The following MAN1A2 variants were observed in gnomAD, a reference collection of about 807,000 sequenced individuals.
MAN1A2 encodes mannosyl-oligosaccharide 1,2-alpha-mannosidase IB.
Under a neutral mutation model 75.7 loss-of-function variants are expected in MAN1A2, and 26 were observed. The observed-to-expected ratio is 0.34, with a 90% CI of 0.25 to 0.48. The LOEUF is 0.48. Among genes scored for constraint, MAN1A2 ranks in the 20% least tolerant of loss-of-function variants. MAN1A2 has a pLI of 0.99. For missense variants in MAN1A2, 562 were observed against 775.5 expected, an observed-to-expected ratio of 0.72 and a Z score of 3.27; for synonymous variants, 247 against 264.6, an observed-to-expected ratio of 0.93 and a Z score of 0.65.
At chr1:117,438,921 G>A (rs1648936364) in intron 5 of MAN1A2, among the ~76,000 whole-genome samples, 1 of 152,134 alleles carries the variant, frequency 6.6e-6, no homozygotes. Context: ...TACACTGTTA[G>A]CAGTAAGCAC....
chr1:117,442,155 T>A, intron 5 of MAN1A2, 76 bp from the exon 6 acceptor site: 1 of 926,078 alleles, frequency 1.1e-6, no homozygotes, highest in Non-Finnish European at 1.8e-6. Flanking sequence ...GTGCTATGTA[T>A]ACTATGAGAG....
chr1:117,431,278 A>T (rs887107352), intron 5 of MAN1A2, among the ~76,000 whole-genome samples: 1 of 150,630 alleles, frequency 6.6e-6, no homozygotes, highest in Non-Finnish European at 1.5e-5. Flanking sequence ...TTAGAAAGAC[A>T]TAATCACAAC....
intron 8 of MAN1A2, among the ~76,000 whole-genome samples, chr1:117,492,865 T>C (rs1010603275): frequency 8.6e-5 from 13 of 152,028 alleles, no homozygotes; most frequent in Non-Finnish European, 1.5e-4. Context: ...TTTGGCTCTA[T>C]GACAGTGAAC....
At chr1:117,404,230 T>C (rs1380900328) in intron 2 of MAN1A2, among the ~76,000 whole-genome samples, 1 of 152,204 alleles carries the variant, frequency 6.6e-6, no homozygotes, top group African/African-American at 2.4e-5. Flanking sequence ...ATATCTTTGC[T>C]TGATTTTGGT....
At position 117,436,792 on chromosome 1, in the gene MAN1A2, A is replaced by G. The variant is rs146876784; in HGVS notation, c.856-5439A>G. On this transcript the variant is annotated intron_variant, in intron 5 of 12. Transcript: ENST00000356554. ...GTGGAGGTGGGGCATGTATAGTCCAATGCAAATGAACTTGAAGCTTTGGCT... is the reference window on the plus strand; with the variant it reads ...GTGGAGGTGGGGCATGTATAGTCCAGTGCAAATGAACTTGAAGCTTTGGCT... 8.4e-3 allele frequency among the ~76,000 whole-genome samples: 1,276 copies of G among 152,336 alleles called. 10 individuals carry two copies. The highest frequency in any genetic ancestry group is 0.015 in the African/African-American group (606 of 41,566).
intron 1 of MAN1A2, among the ~76,000 whole-genome samples, chr1:117,382,195 CA>C (rs1441832322): frequency 6.6e-6 from 1 of 152,150 alleles, no homozygotes; most frequent in African/African-American, 2.4e-5. Context: ...AATGAGATCC[CA>C]TTTGTCAATT....
At chr1:117,513,348 C>T (rs981591576) in intron 12 of MAN1A2, among the ~76,000 whole-genome samples, 13 of 152,018 alleles carry the variant, frequency 8.6e-5, no homozygotes, top group African/African-American at 2.7e-4. Context: ...ACCACAATAA[C>T]GTTTATGTTT....
At chr1:117,449,558 CAAA>C (rs34612489) in intron 6 of MAN1A2, among the ~76,000 whole-genome samples, 5 of 106,664 alleles carry the variant, frequency 4.7e-5, no homozygotes, top group Non-Finnish European at 3.8e-5. Context: ...GACCCTGTCT[CAAA>C]AAAAAAAAAA....
At chr1:117,395,615 A>G (rs193295390) in intron 1 of MAN1A2, among the ~76,000 whole-genome samples, 1 of 152,340 alleles carries the variant, frequency 6.6e-6, no homozygotes, top group African/African-American at 2.4e-5. Flanking sequence ...AACAAACAAA[A>G]CCTTATATTA....
In MAN1A2 at chr1:117,522,801, C is replaced by T. The variant is rs185155478; in HGVS notation, c.1794-24C>T. On this transcript the variant is annotated intron_variant, in intron 12 of 12. Coordinates refer to ENST00000356554, the MANE Select transcript of MAN1A2 (RefSeq NM_006699.5). ...TTCTTGTTGAATTCTAACTGAAGCT[C>T]ATTTCTCCCCTTTTTATTTTCAGAT... is the stretch of plus-strand genomic sequence containing the variant. The T allele has an allele frequency of 8.1e-5, 130 of 1,605,736 alleles. 1 individual carries two copies. The East Asian group carries it at 2.9e-3, about 36-fold the overall frequency.
intron 8 of MAN1A2, among the ~76,000 whole-genome samples, chr1:117,486,294 G>T (rs571493878): frequency 6.6e-6 from 1 of 152,006 alleles, no homozygotes; most frequent in Admixed American, 6.6e-5. Flanking sequence ...TAAGATATTG[G>T]TTACTTTTTT....
chr1:117,446,550 T>C (rs1475635947), intron 6 of MAN1A2, among the ~76,000 whole-genome samples: 2 of 152,172 alleles, frequency 1.3e-5, no homozygotes, highest in African/African-American at 4.8e-5. Context: ...AATGCATTAG[T>C]TTTTTATAAT....
chr1:117,402,198 A>G lies in MAN1A2; in HGVS notation c.315A>G (p.Glu105=), dbSNP rs1647455334. ...TCTTTTCTCACAGGGAAGAGGAAGA[A>G]CGTCTGAGAAATAAAATTCGAGCTG... The part of the protein sequence containing the change: ...PDEHRHREEE[E]RLRNKIRADH... Residue 105 remains glutamate (E), a synonymous_variant, in exon 2 of 13, where the codon GAA becomes GAG. Transcript: ENST00000356554. 2 of 1,608,702 alleles carry G rather than the reference A, an allele frequency of 1.2e-6. No individual in the cohort carries two copies. The highest frequency in any genetic ancestry group is 2.7e-5 in the African/African-American group (2 of 74,448).
At chr1:117,406,566 C>G (rs749739560) in intron 3 of MAN1A2, among the ~76,000 whole-genome samples, 42 of 151,960 alleles carry the variant, frequency 2.8e-4, no homozygotes, top group Non-Finnish European at 5.3e-4. Flanking sequence ...AAGAAAATGT[C>G]TTAAAAAATA....
intron 12 of MAN1A2, among the ~76,000 whole-genome samples, chr1:117,509,494 C>T (rs950513886): frequency 2.0e-5 from 3 of 151,806 alleles, no homozygotes; most frequent in Admixed American, 6.6e-5. Context: ...GCCCCTGCCC[C>T]GACTTGGAAG....
At chr1:117,394,984 G>T (rs1455405080) in intron 1 of MAN1A2, among the ~76,000 whole-genome samples, 2 of 152,150 alleles carry the variant, frequency 1.3e-5, no homozygotes, top group African/African-American at 4.8e-5. Context: ...CAAAATTCCA[G>T]CGTAATTTTA....
intron 1 of MAN1A2, among the ~76,000 whole-genome samples, chr1:117,376,713 C>A (rs1211631799): frequency 6.6e-6 from 1 of 152,186 alleles, no homozygotes; most frequent in African/African-American, 2.4e-5. Context: ...TACAGTTGGC[C>A]CTCTGTATCC....
chr1:117,511,450 C>T (rs1237847000), intron 12 of MAN1A2, among the ~76,000 whole-genome samples: 2 of 151,958 alleles, frequency 1.3e-5, no homozygotes, highest in Non-Finnish European at 2.9e-5. Context: ...GCTGGGACTA[C>T]AGGTATGAGT....
intron 6 of MAN1A2, among the ~76,000 whole-genome samples, chr1:117,455,731 G>C (rs1649561020): frequency 6.6e-6 from 1 of 151,778 alleles, no homozygotes; most frequent in African/African-American, 2.4e-5. Context: ...ATGAGAATGT[G>C]TTAACAGATT....
Sources: gnomAD v4.1 joint callset for allele counts (sites outside exome capture counted in the v4.1 genomes callset) on GRCh38, gnomAD v4.1.1 for gene constraint, MANE v1.5 for transcripts, NCBI Gene and HGNC (gene_info 2026-07-23, HGNC 2026-07-21) for gene names.